The following SHF variants were observed in gnomAD, a reference collection of about 807,000 sequenced individuals.
SHF encodes the protein SH2 domain-containing adapter protein F.
SHF carries 30 observed loss-of-function variants against 42.4 expected under a neutral mutation model. The observed-to-expected ratio is 0.71, with a 90% confidence interval of 0.53 to 0.96. The LOEUF is 0.96. SHF is among the 40% of genes least tolerant of loss of function. The pLI, the probability that SHF is intolerant of heterozygous loss-of-function variation, is 0.00. For missense variants in SHF, 598 were observed against 634.0 expected, an observed-to-expected ratio of 0.94 and a Z score of 0.61; for synonymous variants, 264 against 269.9, an observed-to-expected ratio of 0.98 and a Z score of 0.21.
At chr15:45,174,601 C>G (rs1378020604) in intron 3 of SHF, among the ~76,000 whole-genome samples, 3 of 152,180 alleles carry the variant, frequency 2.0e-5, no homozygotes, top group Non-Finnish European at 2.9e-5. Context: ...AGCAAAAGCC[C>G]TCTCCCTACT....
At chr15:45,182,849 G>A (rs936659755) in intron 1 of SHF, among the ~76,000 whole-genome samples, 2 of 152,282 alleles carry the variant, frequency 1.3e-5, no homozygotes, top group East Asian at 3.9e-4. Context: ...CTGCTTATTG[G>A]AATGTCCTTC....
At chr15:45,199,953 C>CAAAAAAAAAA (rs56982094) in intron 1 of SHF, 3 of 59,520 alleles carry the variant, frequency 5.0e-5, no homozygotes, top group East Asian at 7.3e-4. Flanking sequence ...GGCTCCATCT[C>CAAAAAAAAAA]AAAAAAAAAA....
chr15:45,200,520 T>C (rs1899054911), intron 1 of SHF: 1 of 357,514 alleles, frequency 2.8e-6, no homozygotes, highest in Non-Finnish European at 5.5e-6. Context: ...GCTTGTCGCC[T>C]GAACTCTTCT....
upstream of SHF, among the ~76,000 whole-genome samples, chr15:45,190,162 G>A (rs1481724354): frequency 6.6e-6 from 1 of 152,238 alleles, no homozygotes; most frequent in Non-Finnish European, 1.5e-5. Flanking sequence ...ACCACATGTT[G>A]AGTAGCTGGA....
At chr15:45,191,067 C>A (rs953770971), upstream of SHF, among the ~76,000 whole-genome samples, 2 of 152,060 alleles carry the variant, frequency 1.3e-5, no homozygotes, top group African/African-American at 2.4e-5. Flanking sequence ...ATTCTGTTTA[C>A]CTTTTCTTTC....
At chr15:45,170,767 T>C in intron 6 of SHF, 1 of 231,430 alleles carries the variant, frequency 4.3e-6, no homozygotes, top group Non-Finnish European at 8.6e-6. Context: ...TTTTCCTGCC[T>C]CAGCCTCCCG....
chr15:45,176,780 CCATATTTTCA>C (rs1897834392), intron 2 of SHF, among the ~76,000 whole-genome samples: 1 of 152,142 alleles, frequency 6.6e-6, no homozygotes, highest in Admixed American at 6.5e-5. Context: ...AAATGTGCTC[CCATATTTTCA>C]CATATAATTT....
At chr15:45,185,323 G>A (rs1898333407) in intron 1 of SHF, among the ~76,000 whole-genome samples, 1 of 152,208 alleles carries the variant, frequency 6.6e-6, no homozygotes. Flanking sequence ...TGGGCCACAG[G>A]GGCATGCGCC....
At chr15:45,199,390 T>C (rs1898992230) in intron 1 of SHF, among the ~76,000 whole-genome samples, 1 of 152,196 alleles carries the variant, frequency 6.6e-6, no homozygotes, top group Non-Finnish European at 1.5e-5. Context: ...CAGTGGCTAT[T>C]TGCTAAAACT....
intron 6 of SHF, chr15:45,171,485 A>G: frequency 4.9e-6 from 1 of 204,912 alleles, no homozygotes; most frequent in Non-Finnish European, 1.0e-5. Flanking sequence ...TGCTTCTAGA[A>G]CATCTTGGGC....
Position 45,199,088 on chromosome 15 carries a change from C to A in SHF, c.-14G>T, listed in dbSNP as rs769342136. 7.1e-6 allele frequency: 11 copies of A among 1,553,304 alleles called. No individual in the cohort carries two copies. In the African/African-American group the frequency reaches 1.1e-4, roughly 15 times the overall value. On this transcript the variant is annotated 5_prime_UTR_variant, in exon 2 of 8. Coordinates refer to the SHF transcript ENST00000290894. ...CTCCTGCTGCATCCTCCAGCGGTGA[C>A]CCAATGCCGCCTCTGTGGAGATTGT...
chr15:45,198,578 G>GC, intron 2 of SHF: 1 of 575,304 alleles, frequency 1.7e-6, no homozygotes, highest in Non-Finnish European at 2.9e-6. Flanking sequence ...AAAATACCGA[G>GC]CCCCTTGCCG....
At chr15:45,198,865 C>T in exon 2 of SHF, 2 of 1,614,026 alleles carry the variant, frequency 1.2e-6, no homozygotes, top group Non-Finnish European at 8.5e-7. Flanking sequence ...GCCCATTAGC[C>T]ACGGGCTGTG....
rs373720136 is a variant in SHF at position 45,172,193 on chromosome 15, G to A, written c.1114C>T (p.Pro372Ser). ...AKPLSMEPSS[P>S]LGEWTDPALP... ...GCTGGATCTGTCCACTCCCCCAGGG[G>A]GCTGCTGGGCTCCATGCTTAGGGGT... The change falls in exon 5 of 7, where the codon CCC becomes TCC. Residue 372 changes from proline (P) to serine (S), a missense_variant. Physicochemically the swap from Pro to Ser is moderately conservative, Grantham distance 74 (BLOSUM62 -1). Transcript: ENST00000690270. 6 of 1,613,788 alleles carry A rather than the reference G, an allele frequency of 3.7e-6. No homozygotes were observed. In the African/African-American group the frequency reaches 8.0e-5, roughly 22 times the overall value.
chr15:45,178,284 G>T lies in SHF; in HGVS notation c.521C>A (p.Ala174Glu). Residue 174 changes from alanine to glutamate, a missense_variant, in exon 2 of 7, where the codon GCG (alanine) becomes GAG (glutamate). Ala to Glu is a moderately radical substitution (Grantham distance 107, BLOSUM62 -1). Around this residue, in one of 2 missense-constraint regions of SHF, gnomAD observed 439 missense variants for 524.6 expected, o/e 0.84. Transcript: ENST00000690270. ...SDRLAILEDY[A>E]DPFDVQETGE... ...AGTCTCCTGAACATCAAACGGGTCC[G>T]CATAGTCTTCTAGGATAGCTAGCTG... The T allele has an allele frequency of 1.2e-6, 2 of 1,613,790 alleles. No individual in the cohort carries two copies. Among genetic ancestry groups the T allele is most frequent in the Non-Finnish European group, 1.7e-6 (2 of 1,179,812 alleles).
chr15:45,169,454 T>G lies in SHF; in HGVS notation c.1281-1321A>C, dbSNP rs573225656. Among the ~76,000 whole-genome samples the G allele has an allele frequency of 8.6e-5, 13 of 152,030 alleles. 1 individual carries two copies. In the South Asian group the frequency reaches 2.3e-3, roughly 27 times the overall value. ...CAGGGTGGCCGGGGCCATCTGTAGGTCTGAGATAACTAGGGCTGACAGCAC... is the reference window on the plus strand; with the variant it reads ...CAGGGTGGCCGGGGCCATCTGTAGGGCTGAGATAACTAGGGCTGACAGCAC... On this transcript the variant is annotated intron_variant, in intron 6 of 6. Coordinates refer to ENST00000690270, the MANE Select transcript of SHF (RefSeq NM_001394037.1).
intron 2 of SHF, among the ~76,000 whole-genome samples, chr15:45,177,839 C>T (rs1897900180): frequency 6.6e-6 from 1 of 152,168 alleles, no homozygotes; most frequent in Non-Finnish European, 1.5e-5. Context: ...TGTTTCATTT[C>T]AAACTCATCC....
rs1595604404 is a variant in SHF at position 45,167,740 on chromosome 15, T to C, written c.*207A>G. The C allele has an allele frequency of 2.4e-6, 1 of 415,030 alleles. No homozygotes were observed. Among genetic ancestry groups the C allele is most frequent in the East Asian group, 3.7e-5 (1 of 27,176 alleles). 25.7% of individuals were successfully genotyped at this position (415,030 alleles called of 1,614,324 possible). ...GGGGCTATCCTTTCTCTCCAGGGAT[T>C]CCTCTTTCCCCAGCTCCAGACAACC... On this transcript the variant is annotated 3_prime_UTR_variant, in exon 7 of 7. Transcript: ENST00000690270.
chr15:45,198,987 T>G, exon 2 of SHF: 1 of 1,612,914 alleles, frequency 6.2e-7, no homozygotes, highest in Non-Finnish European at 8.5e-7. Flanking sequence ...GATGCCCGTT[T>G]CCTATGCCCC....
Sources: gnomAD v4.1 joint callset for allele counts (sites outside exome capture counted in the v4.1 genomes callset) on GRCh38, gnomAD v4.1.1 for gene constraint, gnomAD v4.1.1 regional missense constraint, MANE v1.5 for transcripts, NCBI Gene and HGNC (gene_info 2026-07-23, HGNC 2026-07-21) for gene names.